The following TTC7A variants were observed in gnomAD, a reference collection of about 807,000 sequenced individuals.
The protein encoded by TTC7A is tetratricopeptide repeat protein 7A.
In TTC7A, 110 loss-of-function variants were observed where a neutral mutation model predicts 103.7. That is an observed-to-expected ratio of 1.06 (90% CI 0.91 to 1.24). The LOEUF (loss-of-function observed/expected upper bound fraction) is 1.24. Ranked by LOEUF, TTC7A falls within the 50% of genes most tolerant of loss-of-function variation. TTC7A has a pLI of 0.00. For missense variants in TTC7A, 1,340 were observed against 1,116.3 expected (o/e 1.20, Z -2.86); for synonymous variants, 521 against 467.9 (o/e 1.11, Z -1.47).
rs376109476 is a variant in TTC7A at position 47,036,242 on chromosome 2, G to T, written c.1802+6858G>T. Among the ~76,000 whole-genome samples the T allele has an allele frequency of 1.8e-4, 27 of 152,256 alleles. 1 individual carries two copies. The highest frequency in any genetic ancestry group is 6.5e-4 in the African/African-American group (27 of 41,562). The stretch of plus-strand genomic sequence containing the variant: ...GCAGGCTGCTCTCAGAGCAGCCCTG[G>T]GGCCCTTCACCAGGTCAGGGACAGT... On this transcript the variant is annotated intron_variant, in intron 15 of 19. Transcript: ENST00000319190.
rs777393270 is a variant in TTC7A at position 46,994,486 on chromosome 2, C to T, written c.973C>T (p.Arg325Trp). 2.4e-5 allele frequency: 38 copies of T among 1,613,860 alleles called. No individual in the cohort carries two copies. Among genetic ancestry groups the T allele is most frequent in the South Asian group, 3.3e-5 (3 of 91,070 alleles). Reference sequence around the variant, plus strand: ...GAGTTCTTTCGCCACTCAGGCCCTGCGGAAACCTCACCTCTATGAAGGAGA... The same window carrying T: ...GAGTTCTTTCGCCACTCAGGCCCTGTGGAAACCTCACCTCTATGAAGGAGA... ...EESSFATQAL[R>W]KPHLYEGDNL... The change falls in exon 7 of 20, where the codon CGG becomes TGG. Residue 325 changes from arginine to tryptophan, a missense_variant. Arg to Trp is a moderately radical substitution (Grantham distance 101). Transcript: ENST00000319190.
rs868333777 is a variant in TTC7A, at chr2:47,006,706, C to T, written c.1269C>T (p.Ser423=). The T allele has an allele frequency of 6.2e-7, 1 of 1,614,032 alleles. No homozygotes were observed. The highest frequency in any genetic ancestry group is 2.2e-5 in the East Asian group (1 of 44,884). The change falls in exon 10 of 20, where the codon TCC becomes TCT. Residue 423 remains serine, a synonymous_variant. Transcript: ENST00000319190. ...EFHLWYQVAL[S]MVACGKSAYA... is the part of the protein sequence containing the mutation. Reference sequence around the variant, plus strand: ...ACCTTTGGTACCAGGTGGCCCTCTCCATGGTGGCTTGTGGGAAGGTAAGGC... The same window carrying T: ...ACCTTTGGTACCAGGTGGCCCTCTCTATGGTGGCTTGTGGGAAGGTAAGGC...
chr2:46,950,113 C>CT (rs1208337992), intron 1 of TTC7A, among the ~76,000 whole-genome samples: 4 of 152,210 alleles, frequency 2.6e-5, no homozygotes, highest in Non-Finnish European at 5.9e-5. Context: ...CCTGGGAACT[C>CT]TGTCTTCCCA....
intron 18 of TTC7A, among the ~76,000 whole-genome samples, chr2:47,058,742 C>T (rs898139165): frequency 2.6e-5 from 4 of 152,322 alleles, no homozygotes; most frequent in East Asian, 3.9e-4. Context: ...CCAGTGAGGC[C>T]GAAGAGCCGC....
chr2:46,950,296 T>C (rs1671289468), intron 1 of TTC7A, 67 bp from the exon 2 acceptor site: 3 of 1,562,036 alleles, frequency 1.9e-6, no homozygotes, highest in Admixed American at 1.7e-5. Context: ...GGTCCAGGAG[T>C]GTGCAACTCC....
At chr2:47,017,623 G>T (rs1424699491) in intron 11 of TTC7A, among the ~76,000 whole-genome samples, 3 of 152,194 alleles carry the variant, frequency 2.0e-5, no homozygotes, top group Non-Finnish European at 4.4e-5. Context: ...CCCACAGTGG[G>T]GTGAGTGGAC....
chr2:47,038,119 C>T (rs561699454), intron 15 of TTC7A, among the ~76,000 whole-genome samples: 3 of 152,148 alleles, frequency 2.0e-5, no homozygotes, highest in African/African-American at 4.8e-5. Flanking sequence ...ATAAGCCAGG[C>T]GTGGTGGCGC....
chr2:46,926,048 G>A (rs1325626254), intron 2 of TTC7A, among the ~76,000 whole-genome samples: 1 of 152,166 alleles, frequency 6.6e-6, no homozygotes, highest in Non-Finnish European at 1.5e-5. Flanking sequence ...CTCACTTGAG[G>A]TGCCCTTAGT....
Position 46,958,477 on chromosome 2 carries a change from GCT to G in TTC7A, c.517+1476_517+1477del, listed in dbSNP as rs1199782428. 3.8e-6 allele frequency: 5 copies of G among 1,303,938 alleles called. No individual in the cohort carries two copies. In the African/African-American group the frequency reaches 6.1e-5, roughly 16 times the overall value. 80.8% of individuals were successfully genotyped at this position (1,303,938 alleles called of 1,614,324 possible). On this transcript the variant is annotated intron_variant, in intron 3 of 19. Coordinates refer to ENST00000319190, the MANE Select transcript of TTC7A (RefSeq NM_020458.4). ...CAGGATGGATTGCCCCCTGTCTCCT[GCT>G]CTCTCCTCTTTCCAGCATGCCTCCG...
chr2:46,957,219 C>G (rs1671954667), intron 3 of TTC7A, among the ~76,000 whole-genome samples: 1 of 152,244 alleles, frequency 6.6e-6, no homozygotes, highest in South Asian at 2.1e-4. Flanking sequence ...CTCGCCCTGG[C>G]TCTGTCAACA....
upstream of TTC7A, among the ~76,000 whole-genome samples, chr2:46,937,828 C>T (rs1346682138): frequency 1.3e-5 from 2 of 152,208 alleles, no homozygotes; most frequent in Non-Finnish European, 2.9e-5. This position sits in a 1 kb window ranked among gnomAD's most constrained non-coding sequence, Gnocchi z 4.0. Flanking sequence ...TGGAGGCTAT[C>T]GGCAGTCTTC....
At position 47,007,635 on chromosome 2, in the gene TTC7A, C is replaced by T. The variant is rs1239520414; in HGVS notation, c.1287+911C>T. 6.6e-6 allele frequency among the ~76,000 whole-genome samples: 1 copy of T among 152,136 alleles called. No individual in the cohort carries two copies. The highest frequency in any genetic ancestry group is 1.5e-5 in the Non-Finnish European group (1 of 68,022). ...CAGTGCCTCCTCCACGCATCAAGGG[C>T]GTGCCAGCCAGCTCGGGGCCTCGGC... is the stretch of plus-strand genomic sequence containing the variant. On this transcript the variant is annotated intron_variant, in intron 10 of 19. Coordinates refer to ENST00000319190, the MANE Select transcript of TTC7A (RefSeq NM_020458.4). This position sits in a 1 kb window ranked among gnomAD's most constrained non-coding sequence, Gnocchi z 4.9.
chr2:47,026,298 A>G (rs923021978), intron 14 of TTC7A, among the ~76,000 whole-genome samples: 1 of 152,250 alleles, frequency 6.6e-6, no homozygotes, highest in African/African-American at 2.4e-5. Flanking sequence ...CAGAGTCACC[A>G]GCACAGGAGC....
intron 1 of TTC7A, among the ~76,000 whole-genome samples, chr2:46,947,046 G>A (rs1003960704): frequency 2.0e-5 from 3 of 152,140 alleles, no homozygotes; most frequent in African/African-American, 7.2e-5. Flanking sequence ...GTATATGAAG[G>A]TAAGGACAGT....
intron 3 of TTC7A, among the ~76,000 whole-genome samples, chr2:46,965,534 C>T (rs1195417715): frequency 6.7e-6 from 1 of 148,346 alleles, no homozygotes. Flanking sequence ...GCTGAGGGGT[C>T]TTGGAATTAA....
intron 15 of TTC7A, among the ~76,000 whole-genome samples, chr2:47,030,081 G>A (rs184491502): frequency 7.2e-5 from 11 of 152,326 alleles, no homozygotes; most frequent in African/African-American, 2.6e-4. Context: ...GACACTGAGT[G>A]TAACAGGCTT....
intron 15 of TTC7A, among the ~76,000 whole-genome samples, chr2:47,032,424 C>T (rs1680647616): frequency 1.3e-5 from 2 of 152,210 alleles, no homozygotes; most frequent in Admixed American, 6.5e-5. Context: ...GCAGGAACCT[C>T]TGCCGTGGGA....
At chr2:47,065,465 G>A (rs935475151) in intron 19 of TTC7A, among the ~76,000 whole-genome samples, 21 of 152,158 alleles carry the variant, frequency 1.4e-4, no homozygotes, top group African/African-American at 4.1e-4. Context: ...AGTTAGCAGC[G>A]CTTGTTATGT....
intron 2 of TTC7A, among the ~76,000 whole-genome samples, chr2:46,953,946 A>T (rs1671623493): frequency 6.6e-6 from 1 of 151,592 alleles, no homozygotes; most frequent in African/African-American, 2.4e-5. Context: ...TACAGGTGTG[A>T]GCCACTGTGC....
Sources: gnomAD v4.1 joint callset for allele counts (sites outside exome capture counted in the v4.1 genomes callset) on GRCh38, gnomAD v4.1.1 for gene constraint, Gnocchi (gnomAD v3.1) non-coding constraint, MANE v1.5 for transcripts, NCBI Gene and HGNC (gene_info 2026-07-23, HGNC 2026-07-21) for gene names.